Variants in FSAF1 observed in about 807,000 individuals in gnomAD.
FSAF1 encodes the protein 40S small subunit processome assembly factor 1, also known as uncharacterized protein C1orf131.
chr1:231,229,023 C>T, the FSAF1 span: 1 of 573,874 alleles, frequency 1.7e-6, no homozygotes, highest in South Asian at 3.1e-5. Flanking sequence ...TAATACCTAA[C>T]ATCTATACTA....
At chr1:231,239,881 A>G in the FSAF1 span, among the ~76,000 whole-genome samples, 1,577 of 152,368 alleles carry the variant, frequency 0.01, 22 homozygotes, top group African/African-American at 0.036. Context: ...GACACATTCA[A>G]TGCCTTCAGA....
chr1:231,236,013 A>G, the FSAF1 span, among the ~76,000 whole-genome samples: 1 of 152,214 alleles, frequency 6.6e-6, no homozygotes, highest in African/African-American at 2.4e-5. Context: ...AAAAATGACC[A>G]GCTGATGCTA....
At chr1:231,224,089 T>C in the FSAF1 span, 62 of 572,930 alleles carry the variant, frequency 1.1e-4, no homozygotes, top group Non-Finnish European at 1.6e-4. Flanking sequence ...GCACTGGGCC[T>C]GACACGTTCA....
At chr1:231,228,236 C>T in the FSAF1 span, among the ~76,000 whole-genome samples, 2 of 152,172 alleles carry the variant, frequency 1.3e-5, no homozygotes, top group Non-Finnish European at 2.9e-5. Flanking sequence ...TATCCCCATA[C>T]TTACCATCGT....
chr1:231,229,267 A>G, the FSAF1 span: 1 of 1,188,854 alleles, frequency 8.4e-7, no homozygotes, highest in Non-Finnish European at 1.2e-6. Flanking sequence ...AGTATCTATC[A>G]CCGAAAGAGT....
the FSAF1 span, among the ~76,000 whole-genome samples, chr1:231,235,255 C>T: frequency 6.6e-6 from 1 of 152,136 alleles, no homozygotes. Flanking sequence ...AATCCTAGCA[C>T]TTTGGGAGGC....
the FSAF1 span, chr1:231,224,680 C>T: frequency 7.3e-5 from 30 of 410,566 alleles, no homozygotes; most frequent in East Asian, 8.2e-4. Context: ...TTCTCAGCTC[C>T]GATGTCACCT....
chr1:231,234,493 A>G, the FSAF1 span, among the ~76,000 whole-genome samples: 7 of 152,204 alleles, frequency 4.6e-5, no homozygotes, highest in African/African-American at 1.7e-4. The surrounding 1 kb of genome is among the most constrained non-coding windows in gnomAD (Gnocchi z 4.0). Flanking sequence ...TTTTGAGATC[A>G]CTAGTCCAGG....
chr1:231,226,725 A>G, the FSAF1 span: 1 of 1,584,418 alleles, frequency 6.3e-7, no homozygotes, highest in East Asian at 2.2e-5. Flanking sequence ...TAAAGGACAG[A>G]CCATCACACC....
the FSAF1 span, chr1:231,226,577 T>G: frequency 1.5e-6 from 1 of 675,760 alleles, no homozygotes; most frequent in Non-Finnish European, 2.6e-6. Context: ...ATTACTTGGC[T>G]GGTATTACTA....
the FSAF1 span, chr1:231,241,139 C>T: frequency 6.2e-7 from 1 of 1,609,816 alleles, no homozygotes; most frequent in Non-Finnish European, 8.5e-7. Context: ...AATCAACCCT[C>T]ATTCTGCCGC....
the FSAF1 span, chr1:231,225,715 G>A: frequency 1.3e-4 from 81 of 608,656 alleles, no homozygotes; most frequent in Admixed American, 5.4e-4. Context: ...TGGGCCTGGC[G>A]TGGTGGCTCA....
chr1:231,238,153 G>C, the FSAF1 span: 1 of 151,804 alleles, frequency 6.6e-6, no homozygotes, highest in African/African-American at 2.4e-5. Flanking sequence ...CTGCACTCCA[G>C]CCTGGGCAAC....
the FSAF1 span, chr1:231,227,123 AAAACATACTGCCAG>A: frequency 2.6e-6 from 4 of 1,548,526 alleles, no homozygotes; most frequent in African/African-American, 2.7e-5. Context: ...TCCAAAGAAA[AAAACATACTGCCAG>A]AAGTAATGCA....
chr1:231,238,822 T>C, the FSAF1 span: 1 of 1,554,180 alleles, frequency 6.4e-7, no homozygotes. Flanking sequence ...TACCAGGGGG[T>C]TCACCACGTA....
chr1:231,241,081 T>C, the FSAF1 span: 2 of 1,614,136 alleles, frequency 1.2e-6, no homozygotes, highest in Non-Finnish European at 1.7e-6. Context: ...CTGGGAGGCG[T>C]GGAGGACCCC....
the FSAF1 span, chr1:231,241,130 A>C: frequency 1.1e-5 from 18 of 1,611,926 alleles, no homozygotes; most frequent in Non-Finnish European, 1.4e-5. Context: ...CAGCCGAGGA[A>C]TCAACCCTCA....
chr1:231,236,305 T>C, the FSAF1 span, among the ~76,000 whole-genome samples: 2 of 152,176 alleles, frequency 1.3e-5, no homozygotes, highest in South Asian at 4.1e-4. Context: ...TACAGGTGTA[T>C]GTGTTTTTAA....
the FSAF1 span, chr1:231,227,094 G>A: frequency 0.01 from 16,427 of 1,608,862 alleles, 120 homozygotes; most frequent in Non-Finnish European, 0.011. Context: ...ATAATCAGAC[G>A]CAAGTGCATT....
Sources: allele counts gnomAD v4.1 joint callset (sites outside exome capture counted in the v4.1 genomes callset), GRCh38; gene constraint gnomAD v4.1.1; non-coding constraint Gnocchi (gnomAD v3.1); transcripts MANE v1.5; gene names NCBI Gene and HGNC (gene_info 2026-07-23, HGNC 2026-07-21).